Variants in SMARCA2 observed in about 807,000 individuals in gnomAD.
SMARCA2 encodes the protein SWI/SNF-related matrix-associated actin-dependent regulator of chromatin subfamily A member 2.
SMARCA2 carries 61 observed loss-of-function variants against 199.8 expected under a neutral mutation model. The ratio of observed to expected loss-of-function variants is 0.31; its 90% CI spans 0.25 to 0.38. The LOEUF (loss-of-function observed/expected upper bound fraction) is 0.38, where lower values mean the gene tolerates loss of function less well. SMARCA2 is among the 10% of genes least tolerant of loss of function. The probability of loss-of-function intolerance (pLI) is 1.00; values close to 1 mark genes in which losing one functional copy is unlikely to be tolerated. For synonymous variants in SMARCA2, 935 were observed against 732.0 expected (o/e 1.28, Z -4.48); for missense variants, 1,344 against 2,012.2 (o/e 0.67, Z 6.35).
In SMARCA2 at chr9:2,159,281, T is replaced by C. The variant is rs914762515; in HGVS notation, c.3982-2405T>C. 2.7e-5 allele frequency: 10 copies of C among 374,656 alleles called. No homozygotes were observed. The Admixed American group carries it at 3.0e-4, about 11-fold the overall frequency. 23.2% of individuals were successfully genotyped at this position (374,656 alleles called of 1,614,324 possible). The stretch of plus-strand genomic sequence containing the variant: ...AAATTTTACAGCATGAAACTGAAAG[T>C]GAAGTGTTACAGTTGTTCTGAATTT... On this transcript the variant is annotated intron_variant, in intron 27 of 33. Transcript: ENST00000349721.
At chr9:2,077,119 G>A (rs1361168011) in intron 13 of SMARCA2, among the ~76,000 whole-genome samples, 1 of 152,114 alleles carries the variant, frequency 6.6e-6, no homozygotes, top group East Asian at 1.9e-4. Context: ...TAGCAGAGTA[G>A]CTCATGAACA....
At chr9:2,125,139 G>A (rs766462714) in intron 27 of SMARCA2, among the ~76,000 whole-genome samples, 9 of 152,188 alleles carry the variant, frequency 5.9e-5, no homozygotes, top group Non-Finnish European at 1.2e-4. Context: ...GATTTACTCA[G>A]GATGTTGTAT....
chr9:2,129,710 G>T (rs1262114328), intron 27 of SMARCA2, among the ~76,000 whole-genome samples: 5 of 152,176 alleles, frequency 3.3e-5, no homozygotes, highest in Non-Finnish European at 7.3e-5. Flanking sequence ...TAGTCATGTG[G>T]TTGGTCTTTC....
chr9:2,019,295 C>A (rs1818501139), intron 1 of SMARCA2, among the ~76,000 whole-genome samples: 1 of 152,154 alleles, frequency 6.6e-6, no homozygotes, highest in African/African-American at 2.4e-5. Context: ...TCAATGCAGC[C>A]TTTCTCTTAT....
rs957251046 is a variant in SMARCA2 at position 2,163,479 on chromosome 9, C to G, written c.4199+1576C>G. Among the ~76,000 whole-genome samples the G allele has an allele frequency of 3.3e-5, 5 of 152,272 alleles. No individual in the cohort carries two copies. In the East Asian group the frequency reaches 7.7e-4, roughly 23 times the overall value. ...GTAAACCATGAATCAGTAACTCTTACGTTTTTACTCACCCCCAAGCTCCCC... is the reference window on the plus strand; with the variant it reads ...GTAAACCATGAATCAGTAACTCTTAGGTTTTTACTCACCCCCAAGCTCCCC... On this transcript the variant is annotated intron_variant, in intron 28 of 33. Transcript: ENST00000349721.
intron 1 of SMARCA2, among the ~76,000 whole-genome samples, chr9:2,025,211 G>T (rs1165915988): frequency 6.6e-6 from 1 of 152,042 alleles, no homozygotes; most frequent in Non-Finnish European, 1.5e-5. Flanking sequence ...AAGTAAGGAC[G>T]AAATCAAGAC....
rs753566360 is a variant in SMARCA2 at position 2,032,976 on chromosome 9, G to C, written c.250G>C (p.Gly84Arg). ...GCCCATCGATGGTATACATGACAAGGGGATTGTAGAAGACATCCATTGTGG... is the reference window on the plus strand; with the variant it reads ...GCCCATCGATGGTATACATGACAAGCGGATTGTAGAAGACATCCATTGTGG... ...HKPIDGIHDK[G>R]IVEDIHCGSM... Residue 84 changes from glycine to arginine, a missense_variant, in exon 3 of 34, where the codon GGG (glycine) becomes CGG (arginine). Coordinates refer to ENST00000349721, the MANE Select transcript of SMARCA2 (RefSeq NM_003070.5). The C allele has an allele frequency of 1.2e-6, 2 of 1,613,806 alleles. No individual in the cohort carries two copies. Among genetic ancestry groups the C allele is most frequent in the Non-Finnish European group, 1.7e-6 (2 of 1,179,838 alleles).
At chr9:2,185,983 G>C in intron 31 of SMARCA2, 113 bp from the exon 32 acceptor site, 1 of 1,055,690 alleles carries the variant, frequency 9.5e-7, no homozygotes, top group Non-Finnish European at 1.4e-6. Context: ...AAAGCTAACG[G>C]TGACATTTCT....
At chr9:2,099,320 G>C (rs1822406382) in intron 21 of SMARCA2, among the ~76,000 whole-genome samples, 1 of 152,132 alleles carries the variant, frequency 6.6e-6, no homozygotes, top group African/African-American at 2.4e-5. Context: ...CATTTCTTCT[G>C]AAAACAATTT....
chr9:2,183,495 A>T (rs1010560391), intron 31 of SMARCA2, among the ~76,000 whole-genome samples: 4 of 152,224 alleles, frequency 2.6e-5, no homozygotes, highest in Non-Finnish European at 5.9e-5. Flanking sequence ...CTCTGGCCTG[A>T]TGCCTTCAGA....
intron 24 of SMARCA2, among the ~76,000 whole-genome samples, chr9:2,111,211 G>A (rs1822982305): frequency 6.6e-6 from 1 of 151,960 alleles, no homozygotes; most frequent in African/African-American, 2.4e-5. Flanking sequence ...TGAAGAGCAG[G>A]TGTGGTGGCT....
chr9:2,192,693 T>G lies in SMARCA2; in HGVS notation c.4738-11T>G, dbSNP rs1056278538. The stretch of plus-strand genomic sequence containing the variant: ...TGTTACTTCATTTTATCTTCTTATT[T>G]TTACTTTTAGGAACAGTCAGAAGGA... On this transcript the variant is annotated splice_polypyrimidine_tract_variant and intron_variant, in intron 33 of 33. Coordinates refer to ENST00000349721, the MANE Select transcript of SMARCA2 (RefSeq NM_003070.5). 2 of 1,593,402 alleles carry G rather than the reference T, an allele frequency of 1.3e-6. No homozygotes were observed. Among genetic ancestry groups the G allele is most frequent in the African/African-American group, 1.3e-5 (1 of 74,662 alleles).
chr9:2,075,689 C>T (rs1171959755), intron 12 of SMARCA2, among the ~76,000 whole-genome samples: 3 of 152,126 alleles, frequency 2.0e-5, no homozygotes, highest in Non-Finnish European at 4.4e-5. Flanking sequence ...CAGAGTTTCG[C>T]TCTTGTTGTC....
At chr9:2,178,309 A>G (rs187327685) in intron 29 of SMARCA2, among the ~76,000 whole-genome samples, 65 of 152,316 alleles carry the variant, frequency 4.3e-4, no homozygotes, top group African/African-American at 1.5e-3. Flanking sequence ...TCAGAGCCAT[A>G]CTTTCTAGCC....
At chr9:2,081,241 T>C (rs147566310) in intron 14 of SMARCA2, among the ~76,000 whole-genome samples, 2 of 152,280 alleles carry the variant, frequency 1.3e-5, no homozygotes, top group Admixed American at 6.5e-5. Context: ...CAGAAATACG[T>C]TGAGCATGTT....
At chr9:2,074,926 ACTCTAT>A (rs1392933994) in intron 12 of SMARCA2, 4 of 152,208 alleles carry the variant, frequency 2.6e-5, no homozygotes, top group African/African-American at 9.6e-5. Context: ...TCCCCCAGCT[ACTCTAT>A]CTCTAAGATA....
chr9:2,137,753 T>C (rs12345640), intron 27 of SMARCA2, among the ~76,000 whole-genome samples: 17,304 of 152,040 alleles, frequency 0.11, 1,576 homozygotes, highest in East Asian at 0.43. Context: ...CAGGACTTTA[T>C]GCGTGGTAAG....
Position 2,054,654 on chromosome 9 carries a change from G to A in SMARCA2, c.1104G>A (p.Leu368=). The A allele has an allele frequency of 6.2e-7, 1 of 1,613,950 alleles. No homozygotes were observed. The highest frequency in any genetic ancestry group is 8.5e-7 in the Non-Finnish European group (1 of 1,179,954). The change falls in exon 6 of 34, where the codon TTG becomes TTA. Residue 368 remains leucine, a synonymous_variant. Transcript: ENST00000349721. ...AACTGGAAAATCTGCCTGGCTCTTT[G>A]CCACCAGATTTAAGAACCAAAGCAA... ...IQELENLPGS[L]PPDLRTKATV...
chr9:2,100,589 C>G (rs1438532429), intron 21 of SMARCA2, among the ~76,000 whole-genome samples: 1 of 151,924 alleles, frequency 6.6e-6, no homozygotes, highest in Non-Finnish European at 1.5e-5. Context: ...GTAGTCCCAG[C>G]TATTCAGGAG....
Sources: allele counts gnomAD v4.1 joint callset (sites outside exome capture counted in the v4.1 genomes callset), GRCh38; gene constraint gnomAD v4.1.1; transcripts MANE v1.5; gene names NCBI Gene and HGNC (gene_info 2026-07-23, HGNC 2026-07-21).